Variants in C14orf132 observed in about 807,000 individuals in gnomAD.
C14orf132 encodes the protein uncharacterized protein C14orf132.
C14orf132 carries 6 observed loss-of-function variants against 5.8 expected under a neutral mutation model. That is an observed-to-expected ratio of 1.03 (90% CI 0.57 to 2.04). The LOEUF (loss-of-function observed/expected upper bound fraction) is 2.04, where lower values mean the gene tolerates loss of function less well. Ranked by LOEUF, C14orf132 falls within the 30% of genes most tolerant of loss-of-function variation. The pLI, the probability that C14orf132 is intolerant of heterozygous loss-of-function variation, is 0.00. For synonymous variants in C14orf132, 51 were observed against 49.8 expected, an observed-to-expected ratio of 1.02 and a Z score of -0.10; for missense variants, 125 against 115.8, an observed-to-expected ratio of 1.08 and a Z score of -0.37.
intron 1 of C14orf132, among the ~76,000 whole-genome samples, chr14:96,084,065 A>T (rs998553538): frequency 6.6e-6 from 1 of 152,218 alleles, no homozygotes; most frequent in Non-Finnish European, 1.5e-5. Context: ...GAAAATACTC[A>T]TCTCATTCAC....
intron 1 of C14orf132, among the ~76,000 whole-genome samples, chr14:96,054,994 A>G (rs1195608787): frequency 6.6e-6 from 1 of 152,122 alleles, no homozygotes; most frequent in African/African-American, 2.4e-5. Flanking sequence ...TTTACAACTG[A>G]TTTTTTTGAA....
rs548177647 is a variant in C14orf132 at position 96,067,349 on chromosome 14, C to T, written c.28-19162C>T. Among the ~76,000 whole-genome samples the T allele has an allele frequency of 1.7e-4, 26 of 152,198 alleles. 1 individual carries two copies. The South Asian group carries it at 5.0e-3, about 29-fold the overall frequency. ...GCCATCCTTGGGCTCTGGGTGGGAC[C>T]CCTTTTGAAAGCTTCCACTGAACCA... On this transcript the variant is annotated intron_variant, in intron 1 of 1. Transcript: ENST00000555004.
chr14:96,086,477 G>T, intron 1 of C14orf132, 34 bp from the exon 2 acceptor site: 1 of 1,529,842 alleles, frequency 6.5e-7, no homozygotes, highest in Non-Finnish European at 8.8e-7. Flanking sequence ...AAGCCCCCAT[G>T]GCCCTGGATA....
intron 1 of C14orf132, among the ~76,000 whole-genome samples, chr14:96,067,177 G>A (rs1466567940): frequency 6.6e-6 from 1 of 152,202 alleles, no homozygotes; most frequent in African/African-American, 2.4e-5. Context: ...TAGATAGAGG[G>A]ACCTGCAGGC....
At position 96,087,124 on chromosome 14, in the gene C14orf132, C is replaced by T. The variant is rs968217559; in HGVS notation, c.*389C>T. ...GTGTCTTGTTTTTATGCAAACTTAT[C>T]GAACCTAGGGCGTGGGGTGCTGGGG... On this transcript the variant is annotated 3_prime_UTR_variant, in exon 2 of 2. Coordinates refer to ENST00000555004, the MANE Select transcript of C14orf132 (RefSeq NM_001252507.3). 4 of 243,030 alleles carry T rather than the reference C, an allele frequency of 1.6e-5. No individual in the cohort carries two copies. The highest frequency in any genetic ancestry group is 5.2e-5 in the Admixed American group (1 of 19,300). 15.1% of individuals were successfully genotyped at this position (243,030 alleles called of 1,614,324 possible).
intron 1 of C14orf132, among the ~76,000 whole-genome samples, chr14:96,065,655 T>G (rs7152797): frequency 0.016 from 2,428 of 150,608 alleles, 87 homozygotes; most frequent in African/African-American, 0.057. Flanking sequence ...CCTGACCCCC[T>G]CCACCCCCAG....
chr14:96,070,399 ATTC>A (rs1887667972), intron 1 of C14orf132, among the ~76,000 whole-genome samples: 1 of 152,072 alleles, frequency 6.6e-6, no homozygotes, highest in South Asian at 2.1e-4. Flanking sequence ...TCACCGCCTC[ATTC>A]TTCTCCTTCT....
intron 1 of C14orf132, among the ~76,000 whole-genome samples, chr14:96,052,451 C>T (rs1887057641): frequency 6.6e-6 from 1 of 152,252 alleles, no homozygotes. Context: ...CAGGGCATCC[C>T]TCCCTTCCGA....
At chr14:96,064,423 T>C (rs921409066) in intron 1 of C14orf132, among the ~76,000 whole-genome samples, 29 of 150,392 alleles carry the variant, frequency 1.9e-4, no homozygotes, top group African/African-American at 6.6e-4. Flanking sequence ...TATACACATA[T>C]ATACACATAT....
At position 96,091,715 on chromosome 14, in the gene C14orf132, C is replaced by T. The variant is rs1378931668; in HGVS notation, c.*4980C>T. ...CAGATCCTGAATGTTCTATGTTCAC[C>T]TGCCCCAGCCCCACCCACCCTGGCC... On this transcript the variant is annotated 3_prime_UTR_variant, in exon 2 of 2. Transcript: ENST00000555004. 1 of 152,576 alleles carries T rather than the reference C, an allele frequency of 6.6e-6. No individual in the cohort carries two copies. The highest frequency in any genetic ancestry group is 1.5e-5 in the Non-Finnish European group (1 of 68,402). The allele number at this position is 152,576 out of a possible 1,614,324, so 9.5% of individuals were successfully genotyped here. A position where few individuals can be genotyped will look rare whatever the true frequency, so the allele number is the denominator to read the frequency against.
At chr14:96,065,605 G>A (rs968801408) in intron 1 of C14orf132, among the ~76,000 whole-genome samples, 5 of 143,544 alleles carry the variant, frequency 3.5e-5, no homozygotes, top group Admixed American at 2.0e-4. Context: ...CTCCAAAATA[G>A]GGATTACATA....
chr14:96,051,590 G>A (rs1327951003), intron 1 of C14orf132, among the ~76,000 whole-genome samples: 3 of 152,170 alleles, frequency 2.0e-5, no homozygotes, highest in Non-Finnish European at 4.4e-5. Flanking sequence ...AGCTTTGAGG[G>A]ACACCTGAGG....
At position 96,088,599 on chromosome 14, in the gene C14orf132, C is replaced by T. The variant is rs1888283372; in HGVS notation, c.*1864C>T. ...AAGATCTTTAACAGATGGATGTCTC[C>T]ATGAGAAAACCCAAGGCGAGAAGCC... On this transcript the variant is annotated 3_prime_UTR_variant, in exon 2 of 2. Transcript: ENST00000555004. 6.6e-6 allele frequency: 1 copy of T among 152,276 alleles called. No homozygotes were observed. The highest frequency in any genetic ancestry group is 2.4e-5 in the African/African-American group (1 of 41,470). The allele number at this position is 152,276 out of a possible 1,614,324, so 9.4% of individuals were successfully genotyped here. A position where few individuals can be genotyped will look rare whatever the true frequency, so the allele number is the denominator to read the frequency against.
chr14:96,083,243 T>A (rs1231068255), intron 1 of C14orf132, among the ~76,000 whole-genome samples: 5 of 152,030 alleles, frequency 3.3e-5, no homozygotes, highest in African/African-American at 1.2e-4. Flanking sequence ...GCTGAGGGGG[T>A]TTGTGATGAG....
rs370007949 is a variant in C14orf132 at position 96,083,147 on chromosome 14, C to T, written c.28-3364C>T. Reference sequence around the variant, plus strand: ...TCCAGGATTGGGGTTTATGAAGTACCGCCTGTGGGGAGCCCTTCTGCTGAT... The same window carrying T: ...TCCAGGATTGGGGTTTATGAAGTACTGCCTGTGGGGAGCCCTTCTGCTGAT... On this transcript the variant is annotated intron_variant, in intron 1 of 1. Coordinates refer to ENST00000555004, the MANE Select transcript of C14orf132 (RefSeq NM_001252507.3). Among the ~76,000 whole-genome samples the T allele has an allele frequency of 5.3e-5, 8 of 152,336 alleles. No homozygotes were observed. The East Asian group carries it at 7.7e-4, about 15-fold the overall frequency.
At chr14:96,045,218 T>A (rs1339126030) in intron 1 of C14orf132, among the ~76,000 whole-genome samples, 2 of 152,156 alleles carry the variant, frequency 1.3e-5, no homozygotes, top group Non-Finnish European at 2.9e-5. Flanking sequence ...AAGTGATAGA[T>A]AACAAGATGG....
rs1278134421 is a variant in C14orf132, at chr14:96,089,177, T to A, written c.*2442T>A. On this transcript the variant is annotated 3_prime_UTR_variant, in exon 2 of 2. Coordinates refer to ENST00000555004, the MANE Select transcript of C14orf132 (RefSeq NM_001252507.3). ...TCTGATTAAGGAGCAAAGGCTGGATTTCTGGCCACAGCGAGCTGCACTCTC... is the reference window on the plus strand; with the variant it reads ...TCTGATTAAGGAGCAAAGGCTGGATATCTGGCCACAGCGAGCTGCACTCTC... The A allele has an allele frequency of 6.6e-6, 1 of 152,244 alleles. No homozygotes were observed. Among genetic ancestry groups the A allele is most frequent in the Non-Finnish European group, 1.5e-5 (1 of 68,050 alleles). 9.4% of individuals were successfully genotyped at this position (152,244 alleles called of 1,614,324 possible).
intron 1 of C14orf132, among the ~76,000 whole-genome samples, chr14:96,048,065 G>A (rs547255069): frequency 6.6e-6 from 1 of 152,274 alleles, no homozygotes; most frequent in East Asian, 1.9e-4. Flanking sequence ...GTGGGCGCCT[G>A]TAATCCCAGC....
At chr14:96,072,252 A>C (rs537918391) in intron 1 of C14orf132, among the ~76,000 whole-genome samples, 27 of 152,342 alleles carry the variant, frequency 1.8e-4, no homozygotes, top group African/African-American at 6.3e-4. Context: ...TCGATTTGCC[A>C]AGCACCTTTG....
Sources: allele counts gnomAD v4.1 joint callset (sites outside exome capture counted in the v4.1 genomes callset), GRCh38; gene constraint gnomAD v4.1.1; transcripts MANE v1.5; gene names NCBI Gene and HGNC (gene_info 2026-07-23, HGNC 2026-07-21).